Variants in SH3RF3 observed in about 807,000 individuals in gnomAD.
SH3RF3 encodes the protein SH3 domain containing ring finger 3, also known as E3 ubiquitin-protein ligase SH3RF3.
Under a neutral mutation model 66.3 loss-of-function variants are expected in SH3RF3, and 29 were observed. The observed-to-expected ratio is 0.44, with a 90% CI of 0.33 to 0.60. The LOEUF (loss-of-function observed/expected upper bound fraction) is 0.60, where lower values mean the gene tolerates loss of function less well. SH3RF3 is among the 20% of genes least tolerant of loss of function. The pLI is 0.04. For synonymous variants in SH3RF3, 583 were observed against 532.0 expected (o/e 1.10, Z -1.32); for missense variants, 1,194 against 1,190.9 (o/e 1.00, Z -0.04).
intron 3 of SH3RF3, among the ~76,000 whole-genome samples, chr2:109,381,227 C>T (rs1460383499): frequency 6.6e-6 from 1 of 152,234 alleles, no homozygotes; most frequent in Non-Finnish European, 1.5e-5. Context: ...CTGGAGCAGG[C>T]TGCTGGAGCG....
chr2:109,241,339 GA>G (rs1574523314), intron 1 of SH3RF3, among the ~76,000 whole-genome samples: 3 of 152,212 alleles, frequency 2.0e-5, no homozygotes, highest in African/African-American at 4.8e-5. Context: ...ATTTGAAGTG[GA>G]AAAAAAGTAT....
chr2:109,500,387 C>G (rs944389538), intron 9 of SH3RF3, among the ~76,000 whole-genome samples: 4 of 152,142 alleles, frequency 2.6e-5, no homozygotes, highest in African/African-American at 9.7e-5. Flanking sequence ...GCACCTGCCA[C>G]GCAGCACACC....
At chr2:109,254,393 G>A (rs1360376933) in intron 1 of SH3RF3, among the ~76,000 whole-genome samples, 1 of 152,088 alleles carries the variant, frequency 6.6e-6, no homozygotes, top group Non-Finnish European at 1.5e-5. Flanking sequence ...TAAAATGGGG[G>A]CAGCACATTC....
At chr2:109,172,075 A>G (rs1446827129) in intron 1 of SH3RF3, among the ~76,000 whole-genome samples, 2 of 152,232 alleles carry the variant, frequency 1.3e-5, no homozygotes, top group Non-Finnish European at 2.9e-5. Context: ...GCACGAGGGA[A>G]AACTTGATAT....
At chr2:109,253,249 C>A (rs1486442091) in intron 1 of SH3RF3, among the ~76,000 whole-genome samples, 3 of 152,114 alleles carry the variant, frequency 2.0e-5, no homozygotes, top group African/African-American at 7.2e-5. Flanking sequence ...GAACTCCTGA[C>A]CTGAAGTGAT....
intron 8 of SH3RF3, among the ~76,000 whole-genome samples, chr2:109,451,860 C>T (rs574565142): frequency 7.9e-5 from 12 of 152,222 alleles, no homozygotes; most frequent in South Asian, 2.1e-4. Flanking sequence ...GCGTAGGCCA[C>T]GCTTGGGGCT....
chr2:109,225,281 C>T (rs958615074), intron 1 of SH3RF3, among the ~76,000 whole-genome samples: 3 of 152,174 alleles, frequency 2.0e-5, no homozygotes, highest in East Asian at 1.9e-4. Flanking sequence ...ACTGGGGATC[C>T]GGCTGAATAG....
intron 1 of SH3RF3, among the ~76,000 whole-genome samples, chr2:109,250,248 G>A (rs1329650709): frequency 6.6e-6 from 1 of 152,074 alleles, no homozygotes; most frequent in Non-Finnish European, 1.5e-5. Context: ...ACCAAGTTAC[G>A]AGAATGTTTA....
intron 8 of SH3RF3, among the ~76,000 whole-genome samples, chr2:109,488,178 T>G (rs2104370949): frequency 6.6e-6 from 1 of 152,322 alleles, no homozygotes; most frequent in East Asian, 1.9e-4. Flanking sequence ...GCTGTCCTTG[T>G]GACCTAGGGA....
chr2:109,478,239 C>A (rs553635842), intron 8 of SH3RF3, among the ~76,000 whole-genome samples: 1 of 152,346 alleles, frequency 6.6e-6, no homozygotes, highest in Admixed American at 6.5e-5. Context: ...ATTTTTCATT[C>A]CTTCTCTCTC....
At chr2:109,436,814 G>A (rs1371472636) in intron 6 of SH3RF3, 79 bp from the exon 7 acceptor site, 13 of 1,529,848 alleles carry the variant, frequency 8.5e-6, no homozygotes, top group Admixed American at 2.0e-5. Context: ...GCAGGTCAGA[G>A]CGAGGCTCTG....
In SH3RF3 at chr2:109,490,575, G is replaced by C. The variant is rs1172024564; in HGVS notation, c.2149-30G>C. ...CAAGGGCATTGGGAAGCATTCACCT[G>C]TTTGGTTTCCATCTTGTGTGTCTCC... is the stretch of plus-strand genomic sequence containing the variant. On this transcript the variant is annotated intron_variant, in intron 8 of 9. Coordinates refer to ENST00000309415, the MANE Select transcript of SH3RF3 (RefSeq NM_001099289.3). 3.6e-6 allele frequency: 5 copies of C among 1,404,962 alleles called. No individual in the cohort carries two copies. The South Asian group carries it at 6.5e-5, about 18-fold the overall frequency. The allele number at this position is 1,404,962 out of a possible 1,614,324, so 87.0% of individuals were successfully genotyped here.
chr2:109,209,901 CT>C lies in SH3RF3; in HGVS notation c.573+79789del, dbSNP rs557183581. On this transcript the variant is annotated intron_variant, in intron 1 of 9. Transcript: ENST00000309415. Reference sequence around the variant, plus strand: ...TTCAGTGGCATTAAGTACGTCCCCCCTGTTTTGTAACCACTGCCACTATTTC... The same window carrying C: ...TTCAGTGGCATTAAGTACGTCCCCCCGTTTTGTAACCACTGCCACTATTTC... Among the ~76,000 whole-genome samples, 123 of 151,782 alleles carry C rather than the reference CT, an allele frequency of 8.1e-4. 1 individual carries two copies. Among genetic ancestry groups the C allele is most frequent in the Middle Eastern group, 6.8e-3 (2 of 294 alleles).
chr2:109,443,609 T>C (rs891871820), intron 7 of SH3RF3, among the ~76,000 whole-genome samples: 3 of 152,226 alleles, frequency 2.0e-5, no homozygotes, highest in African/African-American at 7.2e-5. Context: ...GGAGTGGTTA[T>C]CTTAATCAGA....
At chr2:109,301,826 T>C (rs936118739) in intron 1 of SH3RF3, among the ~76,000 whole-genome samples, 4 of 152,208 alleles carry the variant, frequency 2.6e-5, no homozygotes, top group Non-Finnish European at 5.9e-5. Flanking sequence ...TCTGGCCCTG[T>C]CTTGCCTCTT....
At position 109,237,945 on chromosome 2, in the gene SH3RF3, G is replaced by A. The variant is rs565122143; in HGVS notation, c.573+107832G>A. On this transcript the variant is annotated intron_variant, in intron 1 of 9. Coordinates refer to ENST00000309415, the MANE Select transcript of SH3RF3 (RefSeq NM_001099289.3). ...AGTGTTATGCCACCAAATTAAAATGGTTTTTATGACCACGCAATGGCTCAT... is the reference window on the plus strand; with the variant it reads ...AGTGTTATGCCACCAAATTAAAATGATTTTTATGACCACGCAATGGCTCAT... 1.1e-3 allele frequency among the ~76,000 whole-genome samples: 166 copies of A among 152,304 alleles called. 1 individual carries two copies. Among genetic ancestry groups the A allele is most frequent in the African/African-American group, 3.8e-3 (157 of 41,556 alleles).
chr2:109,222,013 C>T (rs186202654), intron 1 of SH3RF3, among the ~76,000 whole-genome samples: 1 of 151,934 alleles, frequency 6.6e-6, no homozygotes, highest in African/African-American at 2.4e-5. Context: ...TACTATTCAG[C>T]CTTTCAAAAG....
At chr2:109,247,116 C>T (rs745373197) in intron 1 of SH3RF3, among the ~76,000 whole-genome samples, 1 of 152,134 alleles carries the variant, frequency 6.6e-6, no homozygotes, top group Non-Finnish European at 1.5e-5. Context: ...ATTGTAATCC[C>T]ATGGGTGTAT....
At chr2:109,484,945 T>TA (rs1269623053) in intron 8 of SH3RF3, among the ~76,000 whole-genome samples, 1 of 152,248 alleles carries the variant, frequency 6.6e-6, no homozygotes, top group East Asian at 1.9e-4. Flanking sequence ...CTGGTGGAGT[T>TA]AAAGTGTACG....
Sources: gnomAD v4.1 joint callset for allele counts (sites outside exome capture counted in the v4.1 genomes callset) on GRCh38, gnomAD v4.1.1 for gene constraint, MANE v1.5 for transcripts, NCBI Gene and HGNC (gene_info 2026-07-23, HGNC 2026-07-21) for gene names.